The following NRXN3 variants were observed in gnomAD, a reference collection of about 807,000 sequenced individuals.
The protein encoded by NRXN3 is neurexin III.
NRXN3 carries 32 observed loss-of-function variants against 137.6 expected under a neutral mutation model. The ratio of observed to expected loss-of-function variants is 0.23; its 90% CI spans 0.18 to 0.31. The LOEUF (loss-of-function observed/expected upper bound fraction) is 0.31, where lower values mean the gene tolerates loss of function less well. Ranked by LOEUF, NRXN3 falls within the 10% of genes least tolerant of loss-of-function variation. The pLI is 1.00. For synonymous variants in NRXN3, 798 were observed against 784.5 expected (o/e 1.02, Z -0.29); for missense variants, 1,574 against 2,062.5 (o/e 0.76, Z 4.59).
Position 79,693,036 on chromosome 14 carries a change from G to T in NRXN3, c.3706+774G>T, listed in dbSNP as rs1445359132. On this transcript the variant is annotated intron_variant, in intron 18 of 20. Transcript: ENST00000335750. ...AAGGCAAAACAGCAGTCTCTGATTT[G>T]CTGGAGACAACAACCACTGTTAATA... is the stretch of plus-strand genomic sequence containing the variant. Among the ~76,000 whole-genome samples the T allele has an allele frequency of 4.6e-5, 7 of 152,008 alleles. No individual in the cohort carries two copies. In the East Asian group the frequency reaches 1.2e-3, roughly 25 times the overall value.
chr14:79,703,772 G>A (rs1371901579), intron 19 of NRXN3, among the ~76,000 whole-genome samples: 1 of 152,060 alleles, frequency 6.6e-6, no homozygotes, highest in African/African-American at 2.4e-5. Flanking sequence ...CTAAGCCTCA[G>A]TTTTACTGTC....
chr14:78,974,328 C>T (rs2099455799), intron 14 of NRXN3, among the ~76,000 whole-genome samples: 1 of 152,226 alleles, frequency 6.6e-6, no homozygotes, highest in South Asian at 2.1e-4. Flanking sequence ...AACTACATCT[C>T]TTCCCTGACT....
intron 10 of NRXN3, among the ~76,000 whole-genome samples, chr14:78,869,125 G>C (rs565239848): frequency 4.4e-4 from 67 of 152,152 alleles, no homozygotes; most frequent in Non-Finnish European, 9.4e-4. Flanking sequence ...TCCTGGGATA[G>C]GGAAAGGGAC....
chr14:78,241,048 G>T (rs942821068), intron 1 of NRXN3, among the ~76,000 whole-genome samples: 2 of 152,144 alleles, frequency 1.3e-5, no homozygotes, highest in Non-Finnish European at 2.9e-5. Context: ...CAGACTGCGT[G>T]CTGGTGCATT....
intron 20 of NRXN3, among the ~76,000 whole-genome samples, chr14:79,822,548 C>G (rs567662462): frequency 1.3e-5 from 2 of 151,540 alleles, no homozygotes; most frequent in Admixed American, 6.6e-5. Context: ...AACAAACATC[C>G]GAAAAAGCAA....
intron 19 of NRXN3, among the ~76,000 whole-genome samples, chr14:79,734,139 A>G (rs1164883119): frequency 3.7e-4 from 57 of 152,198 alleles, no homozygotes; most frequent in Non-Finnish European, 4.4e-5. Context: ...GTGCATTTCT[A>G]AACAGACTTG....
intron 15 of NRXN3, among the ~76,000 whole-genome samples, chr14:79,011,883 G>A (rs1032643740): frequency 2.6e-5 from 4 of 152,076 alleles, no homozygotes; most frequent in African/African-American, 4.8e-5. Context: ...AGAGGACTGG[G>A]GTCATAAGGA....
intron 15 of NRXN3, among the ~76,000 whole-genome samples, chr14:79,104,643 G>GTAATCAACTTC (rs1302931270): frequency 6.6e-6 from 1 of 152,102 alleles, no homozygotes; most frequent in African/African-American, 2.4e-5. Context: ...CAATGTTGAG[G>GTAATCAACTTC]TAATCAACTT....
At chr14:78,311,214 T>C (rs2077943867) in intron 4 of NRXN3, among the ~76,000 whole-genome samples, 1 of 152,144 alleles carries the variant, frequency 6.6e-6, no homozygotes, top group African/African-American at 2.4e-5. Flanking sequence ...CAGTATCTGA[T>C]TTTGTTCGTC....
chr14:78,255,193 C>T (rs1033323663), intron 2 of NRXN3, among the ~76,000 whole-genome samples: 1 of 149,522 alleles, frequency 6.7e-6, no homozygotes, highest in African/African-American at 2.5e-5. Flanking sequence ...AAAAAAGGAA[C>T]CCGTCTCATC....
At chr14:79,574,115 A>G (rs2097641924) in intron 16 of NRXN3, among the ~76,000 whole-genome samples, 1 of 152,108 alleles carries the variant, frequency 6.6e-6, no homozygotes, top group Non-Finnish European at 1.5e-5. Context: ...TAACCGAATA[A>G]ACACAAAGTA....
intron 16 of NRXN3, among the ~76,000 whole-genome samples, chr14:79,574,069 G>C (rs577296427): frequency 6.6e-6 from 1 of 152,096 alleles, no homozygotes; most frequent in Non-Finnish European, 1.5e-5. Flanking sequence ...AAGCAATCTT[G>C]ATGTTAAGTA....
At chr14:78,437,324 T>G (rs1335776688) in intron 4 of NRXN3, among the ~76,000 whole-genome samples, 3 of 107,136 alleles carry the variant, frequency 2.8e-5, no homozygotes, top group Non-Finnish European at 5.0e-5. Context: ...TGGTGGTTTA[T>G]TTTTTTCTTT....
chr14:78,888,839 T>TCACACATACACACACACACACACA (rs2099150830), intron 10 of NRXN3, among the ~76,000 whole-genome samples: 2 of 131,822 alleles, frequency 1.5e-5, no homozygotes, highest in African/African-American at 7.8e-5. Context: ...GGGAGAGTAA[T>TCACACATACACACACACACACACA]CACACACATA....
chr14:78,216,134 C>T lies in NRXN3; in HGVS notation c.-703-26257C>T, dbSNP rs558066779. Among the ~76,000 whole-genome samples, 10 of 152,202 alleles carry T rather than the reference C, an allele frequency of 6.6e-5. No individual in the cohort carries two copies. In the East Asian group the frequency reaches 1.9e-3, roughly 29 times the overall value. On this transcript the variant is annotated intron_variant, in intron 1 of 20. Transcript: ENST00000335750. ...GTCTCCCTTCCTCATTTTTAACCCT[C>T]TTGAGACTGGATAGAGATTTCCCAA...
intron 10 of NRXN3, among the ~76,000 whole-genome samples, chr14:78,871,586 A>G (rs2099101468): frequency 6.6e-6 from 1 of 152,056 alleles, no homozygotes; most frequent in Non-Finnish European, 1.5e-5. Context: ...ATTCAGTAAA[A>G]TTTGTGTGGA....
At chr14:79,394,728 C>T (rs934788207) in intron 15 of NRXN3, among the ~76,000 whole-genome samples, 1 of 152,102 alleles carries the variant, frequency 6.6e-6, no homozygotes, top group Non-Finnish European at 1.5e-5. Flanking sequence ...ATATCAATAC[C>T]AGTATTTTTA....
At chr14:78,675,842 A>G (rs1391074439) in intron 6 of NRXN3, among the ~76,000 whole-genome samples, 12 of 152,008 alleles carry the variant, frequency 7.9e-5, no homozygotes, top group Admixed American at 6.6e-4. Flanking sequence ...CCTTGCATCA[A>G]GCATTTTCCA....
At chr14:79,725,555 T>A (rs1430236562) in intron 19 of NRXN3, among the ~76,000 whole-genome samples, 2 of 152,128 alleles carry the variant, frequency 1.3e-5, no homozygotes, top group African/African-American at 4.8e-5. Flanking sequence ...AATGTGGAAG[T>A]TGGGCCGGGC....
Sources: allele counts gnomAD v4.1 joint callset (sites outside exome capture counted in the v4.1 genomes callset), GRCh38; gene constraint gnomAD v4.1.1; transcripts MANE v1.5; gene names NCBI Gene and HGNC (gene_info 2026-07-23, HGNC 2026-07-21).